Variants in TYRP1 observed in about 807,000 individuals in gnomAD.
TYRP1 encodes tyrosinase related protein 1, also known as 5,6-dihydroxyindole-2-carboxylic acid oxidase.
TYRP1 carries 49 observed loss-of-function variants against 42.8 expected under a neutral mutation model. The observed-to-expected ratio is 1.14, with a 90% CI of 0.91 to 1.45. The LOEUF (loss-of-function observed/expected upper bound fraction) is 1.45, where lower values mean the gene tolerates loss of function less well. Ranked by LOEUF, TYRP1 falls within the 40% of genes most tolerant of loss-of-function variation. The pLI is 0.00. For missense variants in TYRP1, 848 were observed against 662.0 expected (o/e 1.28, Z -3.08); for synonymous variants, 279 against 235.4 (o/e 1.19, Z -1.69).
chr9:12,698,807 C>A, intron 4 of TYRP1, 152 bp downstream of exon 4: 1 of 789,520 alleles, frequency 1.3e-6, no homozygotes, highest in Non-Finnish European at 2.0e-6. Context: ...CATTAAACAC[C>A]TAGAATGTTC....
chr9:12,703,708 G>A (rs1818211058), intron 5 of TYRP1, among the ~76,000 whole-genome samples: 2 of 151,684 alleles, frequency 1.3e-5, no homozygotes, highest in African/African-American at 4.8e-5. Context: ...AGAGAGAACT[G>A]GTTAACATAT....
chr9:12,700,777 C>T (rs1056410519), intron 4 of TYRP1, among the ~76,000 whole-genome samples: 8 of 152,008 alleles, frequency 5.3e-5, no homozygotes, highest in African/African-American at 1.4e-4. Flanking sequence ...TTATTGATAG[C>T]TTCCTGAGCA....
chr9:12,694,504 A>G, intron 2 of TYRP1, 123 bp downstream of exon 2: 1 of 1,286,516 alleles, frequency 7.8e-7, no homozygotes, highest in Non-Finnish European at 1.1e-6. Flanking sequence ...CTCTTTTCAT[A>G]GTTGAGGAAA....
Position 12,710,226 on chromosome 9 carries a change from G to A in TYRP1, c.*1044G>A, listed in dbSNP as rs566527702. On this transcript the variant is annotated 3_prime_UTR_variant, in exon 8 of 8. Transcript: ENST00000388918. ...AAAGAACTGTATAAGGTGGTCATAA[G>A]TGAATATTTTAATTAAAATTGGTAA... is the stretch of plus-strand genomic sequence containing the variant. 2 of 149,708 alleles carry A rather than the reference G, an allele frequency of 1.3e-5. No homozygotes were observed. Among genetic ancestry groups the A allele is most frequent in the Middle Eastern group, 3.6e-3 (1 of 280 alleles). 9.3% of individuals were successfully genotyped at this position (149,708 alleles called of 1,614,324 possible).
intron 4 of TYRP1, 58 bp from the exon 5 acceptor site, chr9:12,702,213 C>A: frequency 6.3e-7 from 1 of 1,576,138 alleles, no homozygotes; most frequent in Non-Finnish European, 8.7e-7. Flanking sequence ...TTTTAAAGAG[C>A]GACAATAAGA....
Position 12,694,177 on chromosome 9 carries a change from G to T in TYRP1, c.181G>T (p.Gly61Trp). 1 of 1,613,994 alleles carries T rather than the reference G, an allele frequency of 6.2e-7. No individual in the cohort carries two copies. Among genetic ancestry groups the T allele is most frequent in the South Asian group, 1.1e-5 (1 of 91,060 alleles). Residue 61 changes from glycine (G) to tryptophan (W), a missense_variant, in exon 2 of 8, where the codon GGG (glycine) becomes TGG (tryptophan). By Grantham distance (184) the Gly-to-Trp change is radical. Coordinates refer to ENST00000388918, the MANE Select transcript of TYRP1 (RefSeq NM_000550.3). ...GACAGACCGCTGTGGCTCATCATCAGGGAGGGGCAGATGTGAGGCAGTGAC... is the reference window on the plus strand; with the variant it reads ...GACAGACCGCTGTGGCTCATCATCATGGAGGGGCAGATGTGAGGCAGTGAC... ...PGTDRCGSSS[G>W]RGRCEAVTAD...
rs141978563 is a variant in TYRP1, at chr9:12,703,883, A to ATATGTG, written c.1082-642_1082-641insATGTGT. ...CCTTATATATGGAATATATATATATATGTGTGTGTGTGTGTGTGTGTGTGT... is the reference window on the plus strand; with the variant it reads ...CCTTATATATGGAATATATATATATATATGTGTGTGTGTGTGTGTGTGTGTGTGTGT... On this transcript the variant is annotated intron_variant, in intron 5 of 7. Transcript: ENST00000388918. Among the ~76,000 whole-genome samples the ATATGTG allele has an allele frequency of 1.6e-3, 227 of 143,520 alleles. 2 individuals carry two copies. The highest frequency in any genetic ancestry group is 5.1e-3 in the African/African-American group (198 of 38,912). The allele number at this position is 143,520 out of a possible 152,430, so 94.2% of individuals were successfully genotyped here. A position where few individuals can be genotyped will look rare whatever the true frequency, so the allele number is the denominator to read the frequency against.
chr9:12,696,787 G>A (rs532510282), intron 3 of TYRP1, among the ~76,000 whole-genome samples: 2 of 152,142 alleles, frequency 1.3e-5, no homozygotes, highest in Non-Finnish European at 2.9e-5. Context: ...TCTCAACTAG[G>A]AAATCCACAA....
At chr9:12,701,945 A>T in intron 4 of TYRP1, 1 of 240,726 alleles carries the variant, frequency 4.2e-6, no homozygotes, top group African/African-American at 2.3e-5. Context: ...GGCAAAATTC[A>T]ATTTTCCATG....
chr9:12,702,480 A>G, intron 5 of TYRP1, 42 bp downstream of exon 5: 1 of 1,592,634 alleles, frequency 6.3e-7, no homozygotes, highest in South Asian at 1.1e-5. Flanking sequence ...TCTAGTTATC[A>G]GAGAAAACTG....
intron 3 of TYRP1, 56 bp from the exon 4 acceptor site, chr9:12,698,395 G>T: frequency 2.0e-6 from 3 of 1,530,248 alleles, no homozygotes; most frequent in Non-Finnish European, 2.7e-6. Flanking sequence ...AGACCAAACA[G>T]AAATGAATAA....
chr9:12,701,037 C>T (rs916924611), intron 4 of TYRP1, among the ~76,000 whole-genome samples: 11 of 152,094 alleles, frequency 7.2e-5, no homozygotes, highest in South Asian at 2.1e-4. Context: ...TTATCTCTCA[C>T]CAGCTTAGTG....
chr9:12,694,427 A>G (rs771820683), intron 2 of TYRP1, 46 bp downstream of exon 2: 3 of 1,605,190 alleles, frequency 1.9e-6, no homozygotes, highest in Non-Finnish European at 2.6e-6. Flanking sequence ...ATGAGACTCA[A>G]GGCTCTTAAT....
intron 4 of TYRP1, chr9:12,700,748 A>T (rs1375366730): frequency 6.6e-6 from 1 of 152,058 alleles, no homozygotes; most frequent in African/African-American, 2.4e-5. Context: ...TCAAGTAATT[A>T]ATATTTGTTT....
intron 6 of TYRP1, 86 bp downstream of exon 6, chr9:12,704,791 CGCATAAAAACACTTTCAAAATAAGGATA>C: frequency 1.5e-6 from 2 of 1,306,946 alleles, no homozygotes; most frequent in Non-Finnish European, 2.2e-6. Flanking sequence ...GAGCACTCAG[CGCATAAAAACACTTTCAAAATAAGGATA>C]GCATAGCTGT....
chr9:12,698,414 A>C (rs1818111368), intron 3 of TYRP1, 37 bp from the exon 4 acceptor site: 2 of 1,573,506 alleles, frequency 1.3e-6, no homozygotes, highest in Non-Finnish European at 1.7e-6. Context: ...AATTGTAAAC[A>C]GAAGCAGAGA....
intron 6 of TYRP1, 131 bp downstream of exon 6, chr9:12,704,836 A>C (rs1818232902): frequency 1.1e-6 from 1 of 880,262 alleles, no homozygotes; most frequent in Non-Finnish European, 1.8e-6. Context: ...CTGTAATATC[A>C]AGTCACTTCC....
intron 5 of TYRP1, among the ~76,000 whole-genome samples, chr9:12,703,619 A>C (rs981024086): frequency 1.3e-5 from 2 of 151,984 alleles, no homozygotes; most frequent in African/African-American, 4.8e-5. Flanking sequence ...TTTGAGTCAA[A>C]TAACAATGGA....
chr9:12,709,432 T>G lies in TYRP1; in HGVS notation c.*250T>G. On this transcript the variant is annotated 3_prime_UTR_variant, in exon 8 of 8. Transcript: ENST00000388918. The stretch of plus-strand genomic sequence containing the variant: ...AACTCCATGATATTTAAGGATAGTG[T>G]GAAGATCTTTGGCATGATTTAAAGG... The G allele has an allele frequency of 2.0e-6, 1 of 495,108 alleles. No homozygotes were observed. Among genetic ancestry groups the G allele is most frequent in the Non-Finnish European group, 3.7e-6 (1 of 272,946 alleles). 30.7% of individuals were successfully genotyped at this position (495,108 alleles called of 1,614,324 possible).
Sources: allele counts gnomAD v4.1 joint callset (sites outside exome capture counted in the v4.1 genomes callset), GRCh38; gene constraint gnomAD v4.1.1; transcripts MANE v1.5; gene names NCBI Gene and HGNC (gene_info 2026-07-23, HGNC 2026-07-21).